The following DNAH17 variants were observed in gnomAD, a reference collection of about 807,000 sequenced individuals.
DNAH17 encodes dynein axonemal heavy chain 17, also known as axonemal beta dynein heavy chain 17.
A neutral mutation model predicts 485.6 loss-of-function variants in DNAH17; 376 were observed. The observed-to-expected ratio is 0.77, with a 90% CI of 0.71 to 0.84. DNAH17 has a LOEUF of 0.84. DNAH17 is among the 40% of genes least tolerant of loss of function. The probability of loss-of-function intolerance (pLI) is 0.00; values close to 1 mark genes in which losing one functional copy is unlikely to be tolerated. For missense variants in DNAH17, 6,370 were observed against 5,839.3 expected (o/e 1.09, Z -2.96); for synonymous variants, 3,031 against 2,405.9 (o/e 1.26, Z -7.60).
At chr17:78,498,177 A>C (rs1046331393) in intron 37 of DNAH17, among the ~76,000 whole-genome samples, 1 of 151,518 alleles carries the variant, frequency 6.6e-6, no homozygotes, top group African/African-American at 2.4e-5. Context: ...ATAAATAAAT[A>C]AATAAATAAA....
chr17:78,489,723 T>G (rs1598566385), intron 44 of DNAH17: 1 of 152,074 alleles, frequency 6.6e-6, no homozygotes, highest in East Asian at 1.9e-4. Flanking sequence ...AAAACCAGCT[T>G]TTTTCATCAC....
chr17:78,571,020 G>A lies in DNAH17; in HGVS notation c.846C>T (p.Ala282=). ...GCTTCAAATAGAGCACGATGTCGTT[G>A]GCTTCCTTCAGCCCTGCACGGAACA... ...YTNVTEGLKE[A]NDIVLYLKPL... The change falls in exon 6 of 81, where the codon GCC becomes GCT. Residue 282 remains alanine, a synonymous_variant. Transcript: ENST00000389840. 1 of 1,573,628 alleles carries A rather than the reference G, an allele frequency of 6.4e-7. No homozygotes were observed. Among genetic ancestry groups the A allele is most frequent in the Non-Finnish European group, 8.6e-7 (1 of 1,159,224 alleles).
At chr17:78,551,386 T>C in intron 16 of DNAH17, 149 bp downstream of exon 16, 1 of 661,816 alleles carries the variant, frequency 1.5e-6, no homozygotes, top group Middle Eastern at 2.8e-4. Flanking sequence ...CACTCTGATA[T>C]CATCCTACCG....
At position 78,510,739 on chromosome 17, in the gene DNAH17, G is replaced by A. The variant is rs2090612176; in HGVS notation, c.4114-233C>T. On this transcript the variant is annotated intron_variant, in intron 26 of 80. Transcript: ENST00000389840. ...ATAAGAGCAGAACGCACCTGCACTGGGCGGAATTGCGGCCCCCCCGCAAAA... is the reference window on the plus strand; with the variant it reads ...ATAAGAGCAGAACGCACCTGCACTGAGCGGAATTGCGGCCCCCCCGCAAAA... The A allele has an allele frequency of 7.1e-6, 3 of 424,532 alleles. No homozygotes were observed. In the South Asian group the frequency reaches 9.2e-5, roughly 13 times the overall value. The allele number at this position is 424,532 out of a possible 1,614,324, so 26.3% of individuals were successfully genotyped here. A position where few individuals can be genotyped will look rare whatever the true frequency, so the allele number is the denominator to read the frequency against.
At chr17:78,562,212 G>A (rs534247992) in intron 11 of DNAH17, among the ~76,000 whole-genome samples, 28 of 152,130 alleles carry the variant, frequency 1.8e-4, no homozygotes, top group Non-Finnish European at 3.4e-4. Flanking sequence ...TAATCCCACA[G>A]TACAAATAAG....
chr17:78,482,368 T>C (rs1342251550), intron 48 of DNAH17, among the ~76,000 whole-genome samples: 3 of 152,234 alleles, frequency 2.0e-5, no homozygotes, highest in Admixed American at 1.3e-4. Context: ...GTGTTGGAAG[T>C]TGACGTCTGT....
At position 78,475,813 on chromosome 17, in the gene DNAH17, TAAG is replaced by T; in HGVS notation, c.8172_8174del (p.Leu2725del). ...GGCAGAAGATATTTGGCTTGGCAAA[TAAG>T]AGTTCATCACCAAGATCCTAGAAAA... is the stretch of plus-strand genomic sequence containing the variant. On this transcript the variant is annotated inframe_deletion, in exon 53 of 81. Coordinates refer to ENST00000389840, the MANE Select transcript of DNAH17 (RefSeq NM_173628.4). 1 of 1,613,128 alleles carries T rather than the reference TAAG, an allele frequency of 6.2e-7. No individual in the cohort carries two copies. Among genetic ancestry groups the T allele is most frequent in the South Asian group, 1.1e-5 (1 of 90,884 alleles).
At chr17:78,553,584 T>C (rs2091958051) in intron 14 of DNAH17, among the ~76,000 whole-genome samples, 1 of 152,078 alleles carries the variant, frequency 6.6e-6, no homozygotes, top group Non-Finnish European at 1.5e-5. Flanking sequence ...GTCAAGTATT[T>C]CTTTATAGCA....
At chr17:78,458,725 T>A (rs2087931561) in intron 61 of DNAH17, 45 bp from the exon 62 acceptor site, 1 of 1,530,080 alleles carries the variant, frequency 6.5e-7, no homozygotes, top group Non-Finnish European at 9.1e-7. Flanking sequence ...CCACGAGGCA[T>A]CTCTAGCCCC....
intron 35 of DNAH17, chr17:78,500,956 A>AC (rs1015247120): frequency 1.4e-5 from 6 of 417,572 alleles, no homozygotes; most frequent in Non-Finnish European, 2.5e-5. Context: ...ATAAAACATG[A>AC]CCCCAACTCA....
In DNAH17 at chr17:78,505,464, C is replaced by G. The variant is rs369560324; in HGVS notation, c.4804-19G>C. 6.2e-7 allele frequency: 1 copy of G among 1,613,742 alleles called. No individual in the cohort carries two copies. The highest frequency in any genetic ancestry group is 8.5e-7 in the Non-Finnish European group (1 of 1,179,754). ...GGCTCACCTGGGAGGAGGCAAGAAGCGGGAATTATGCAACGGGGGATTTGA... is the reference window on the plus strand; with the variant it reads ...GGCTCACCTGGGAGGAGGCAAGAAGGGGGAATTATGCAACGGGGGATTTGA... On this transcript the variant is annotated intron_variant, in intron 30 of 80. Transcript: ENST00000389840.
intron 21 of DNAH17, 74 bp downstream of exon 21, chr17:78,530,269 C>T: frequency 6.8e-7 from 1 of 1,464,802 alleles, no homozygotes; most frequent in Admixed American, 2.4e-5. Flanking sequence ...AAATGCCACC[C>T]ACTCAAGTGG....
At chr17:78,538,145 A>T (rs1408395094) in intron 18 of DNAH17, among the ~76,000 whole-genome samples, 11 of 43,168 alleles carry the variant, frequency 2.5e-4, no homozygotes, top group African/African-American at 1.2e-3. Flanking sequence ...CTCCAAAAAA[A>T]AAAAAAAAAA....
In DNAH17 at chr17:78,556,013, T is replaced by C. The variant is rs116294008; in HGVS notation, c.2178+2095A>G. On this transcript the variant is annotated intron_variant, in intron 14 of 80. Transcript: ENST00000389840. Reference sequence around the variant, plus strand: ...TTTCCAACTTGCAGACAGCAGGCTGTAAGACTTCTTACCCTCTGTAATTGC... The same window carrying C: ...TTTCCAACTTGCAGACAGCAGGCTGCAAGACTTCTTACCCTCTGTAATTGC... Among the ~76,000 whole-genome samples the C allele has an allele frequency of 1.3e-3, 191 of 152,314 alleles. 1 individual carries two copies. The highest frequency in any genetic ancestry group is 3.6e-3 in the African/African-American group (150 of 41,552).
In DNAH17 at chr17:78,460,094, C is replaced by A. The variant is rs919787852; in HGVS notation, c.9435+68G>T. The A allele has an allele frequency of 3.2e-6, 5 of 1,580,286 alleles. No individual in the cohort carries two copies. The South Asian group carries it at 3.4e-5, about 11-fold the overall frequency. On this transcript the variant is annotated intron_variant, in intron 59 of 80. Coordinates refer to ENST00000389840, the MANE Select transcript of DNAH17 (RefSeq NM_173628.4). The stretch of plus-strand genomic sequence containing the variant: ...GCCGCCATGAGTGTGTCACCACCCA[C>A]GCCAACAGCGAAGGCAGCTTCCTCT...
chr17:78,428,403 G>T, intron 77 of DNAH17, 122 bp downstream of exon 77: 1 of 1,250,476 alleles, frequency 8.0e-7, no homozygotes, highest in Non-Finnish European at 1.1e-6. Flanking sequence ...CCAAGCCCAA[G>T]GCTGGGGCAG....
rs1206407822 is a variant in DNAH17, at chr17:78,525,090, G to A, written c.3783C>T (p.Val1261=). Residue 1261 remains valine (V), a synonymous_variant, in exon 25 of 81, where the codon GTC becomes GTT. Transcript: ENST00000389840. ...TGAGCTGCTTGTAGTCTGGGACGGG[G>A]ACCTCGAACAGGCCCCCGGACTTGG... The part of the protein sequence containing the change: ...ALSKSGGLFE[V]PVPDYKQLKA... The A allele has an allele frequency of 1.9e-6, 3 of 1,613,686 alleles. No homozygotes were observed. In the African/African-American group the frequency reaches 4.0e-5, roughly 22 times the overall value.
At chr17:78,492,969 G>C (rs2089927984) in intron 41 of DNAH17, 1 of 460,146 alleles carries the variant, frequency 2.2e-6, no homozygotes, top group Non-Finnish European at 3.7e-6. Context: ...TCTTGCCTTA[G>C]CTTCCCAAGT....
intron 23 of DNAH17, 66 bp downstream of exon 23, chr17:78,526,814 G>A (rs1017966432): frequency 2.8e-5 from 43 of 1,553,388 alleles, no homozygotes; most frequent in East Asian, 1.9e-4. Flanking sequence ...CCTGTATGCC[G>A]CAGGGCCCTG....
Sources: allele counts gnomAD v4.1 joint callset (sites outside exome capture counted in the v4.1 genomes callset), GRCh38; gene constraint gnomAD v4.1.1; transcripts MANE v1.5; gene names NCBI Gene and HGNC (gene_info 2026-07-23, HGNC 2026-07-21).